The following ECT2L variants were observed in gnomAD, a reference collection of about 807,000 sequenced individuals.
ECT2L encodes the protein epithelial cell-transforming sequence 2 oncogene-like.
A neutral mutation model predicts 122.8 loss-of-function variants in ECT2L; 126 were observed. That is an observed-to-expected ratio of 1.03 (90% CI 0.89 to 1.19). ECT2L has a LOEUF of 1.19. Among genes scored for constraint, ECT2L ranks in the 50% most tolerant of loss-of-function variants. The pLI is 0.00. For missense variants in ECT2L, 1,012 were observed against 1,064.1 expected (o/e 0.95, Z 0.68); for synonymous variants, 385 against 381.8 (o/e 1.01, Z -0.10).
At chr6:138,894,095 T>C (rs1779131371) in intron 20 of ECT2L, among the ~76,000 whole-genome samples, 1 of 152,192 alleles carries the variant, frequency 6.6e-6, no homozygotes, top group South Asian at 2.1e-4. Flanking sequence ...TCTCACTCTG[T>C]TGCCAGGCTG....
At chr6:138,812,450 T>A (rs1775933178) in intron 1 of ECT2L, among the ~76,000 whole-genome samples, 2 of 152,218 alleles carry the variant, frequency 1.3e-5, no homozygotes, top group South Asian at 4.1e-4. Flanking sequence ...TTCTTTATAT[T>A]CTCTTTGACC....
chr6:138,838,205 A>T, intron 4 of ECT2L, 147 bp from the exon 5 acceptor site: 1 of 886,806 alleles, frequency 1.1e-6, no homozygotes, highest in Non-Finnish European at 1.6e-6. Flanking sequence ...CCTGGCCTGA[A>T]AATTTTTTAA....
intron 4 of ECT2L, among the ~76,000 whole-genome samples, chr6:138,837,478 A>T (rs1776880448): frequency 6.6e-6 from 1 of 152,192 alleles, no homozygotes; most frequent in Non-Finnish European, 1.5e-5. Context: ...CACATTCAGG[A>T]GAAATGACTG....
rs1172861182 is a variant in ECT2L, at chr6:138,817,032, A to G, written c.179+2429A>G. ...AATTTGCCTATTCTGGACTTTTCGT[A>G]TAAATGGAATTAGACAGTATGTGGT... On this transcript the variant is annotated intron_variant, in intron 4 of 21. Coordinates refer to ENST00000541398, the MANE Select transcript of ECT2L (RefSeq NM_001077706.3). 1.4e-4 allele frequency among the ~76,000 whole-genome samples: 21 copies of G among 152,220 alleles called. 1 individual carries two copies. Among genetic ancestry groups the G allele is most frequent in the Non-Finnish European group, 3.1e-4 (21 of 68,044 alleles).
Position 138,885,561 on chromosome 6 carries a change from T to C in ECT2L, c.2084T>C (p.Ile695Thr), listed in dbSNP as rs534510373. The change falls in exon 17 of 22, where the codon ATT becomes ACT. Residue 695 changes from isoleucine to threonine, a missense_variant. Ile to Thr is a moderately conservative substitution (Grantham distance 89). Coordinates refer to ENST00000541398, the MANE Select transcript of ECT2L (RefSeq NM_001077706.3). ...RTFLKRHDKT[I>T]VTKMLSLPEL... ...TTCCTGAAGAGGCATGATAAGACCA[T>C]TGTTACCAAAATGCTGAGGTACGTT... is the stretch of plus-strand genomic sequence containing the variant. The C allele has an allele frequency of 5.0e-6, 8 of 1,614,042 alleles. No homozygotes were observed. The highest frequency in any genetic ancestry group is 1.1e-5 in the South Asian group (1 of 91,082).
Position 138,875,460 on chromosome 6 carries a change from G to A in ECT2L, c.1579-1012G>A, listed in dbSNP as rs376263810. On this transcript the variant is annotated intron_variant, in intron 13 of 21. Transcript: ENST00000541398. ...GGTTGCCATTGGTAGTTTTGTCTTT[G>A]ATGAGGAAGGCAGCAATAACGACCA... Among the ~76,000 whole-genome samples the A allele has an allele frequency of 2.0e-5, 3 of 152,230 alleles. No homozygotes were observed. In the East Asian group the frequency reaches 5.8e-4, roughly 29 times the overall value.
rs545506463 is a variant in ECT2L at position 138,900,445 on chromosome 6, C to T, written c.2415-503C>T. On this transcript the variant is annotated intron_variant, in intron 20 of 21. Coordinates refer to ENST00000541398, the MANE Select transcript of ECT2L (RefSeq NM_001077706.3). ...TATTTTTAGTAGAGACGGGGTTTCA[C>T]TATGTTGGCCAGGCTGGTTTTGGAA... 2.6e-5 allele frequency among the ~76,000 whole-genome samples: 4 copies of T among 152,272 alleles called. No homozygotes were observed. In the East Asian group the frequency reaches 5.8e-4, roughly 22 times the overall value.
At chr6:138,799,270 T>TC (rs1317386184) in intron 1 of ECT2L, among the ~76,000 whole-genome samples, 3 of 152,188 alleles carry the variant, frequency 2.0e-5, no homozygotes, top group African/African-American at 7.2e-5. Flanking sequence ...TTTTTTTTTT[T>TC]TGAGACGGAG....
At chr6:138,819,246 A>AAAAAAAAAG (rs1776184888) in intron 4 of ECT2L, among the ~76,000 whole-genome samples, 1 of 125,104 alleles carries the variant, frequency 8.0e-6, no homozygotes. Flanking sequence ...AAAAAAAAAA[A>AAAAAAAAAG]AAAAAGGAAA....
intron 9 of ECT2L, 63 bp from the exon 10 acceptor site, chr6:138,853,963 C>T: frequency 6.5e-7 from 1 of 1,543,454 alleles, no homozygotes; most frequent in Non-Finnish European, 8.8e-7. Flanking sequence ...TCACAAGCTG[C>T]TAATAATTTC....
chr6:138,846,445 A>G (rs894868247), intron 7 of ECT2L, 94 bp from the exon 8 acceptor site: 11 of 1,260,566 alleles, frequency 8.7e-6, no homozygotes, highest in Non-Finnish European at 1.2e-5. Flanking sequence ...TGCCTTGTAG[A>G]GTAGAGCTGA....
At chr6:138,796,726 G>C (rs1775358697) in intron 1 of ECT2L, among the ~76,000 whole-genome samples, 1 of 152,176 alleles carries the variant, frequency 6.6e-6, no homozygotes, top group South Asian at 2.1e-4. Flanking sequence ...TAAAACAGTG[G>C]TACTTTAAAA....
At chr6:138,897,487 G>C (rs1055431741) in intron 20 of ECT2L, among the ~76,000 whole-genome samples, 1 of 152,058 alleles carries the variant, frequency 6.6e-6, no homozygotes, top group African/African-American at 2.4e-5. Context: ...GGAGGTCCTG[G>C]AACACATTCC....
intron 19 of ECT2L, among the ~76,000 whole-genome samples, chr6:138,887,356 A>T (rs1247565212): frequency 6.6e-6 from 1 of 151,608 alleles, no homozygotes; most frequent in African/African-American, 2.4e-5. Context: ...CCTCCCGAGT[A>T]GCTGGGACTA....
intron 4 of ECT2L, among the ~76,000 whole-genome samples, chr6:138,821,528 G>A (rs1036958781): frequency 1.3e-5 from 2 of 152,248 alleles, no homozygotes; most frequent in Non-Finnish European, 2.9e-5. Flanking sequence ...GCTGTGGCCA[G>A]GGGATTGGCC....
At chr6:138,832,226 A>G (rs1483020686) in intron 4 of ECT2L, among the ~76,000 whole-genome samples, 4 of 149,106 alleles carry the variant, frequency 2.7e-5, no homozygotes, top group African/African-American at 9.9e-5. Flanking sequence ...ATTCACTCCT[A>G]TTATTACCTT....
intron 4 of ECT2L, among the ~76,000 whole-genome samples, chr6:138,820,478 C>A (rs1583555558): frequency 6.6e-6 from 1 of 152,160 alleles, no homozygotes; most frequent in Middle Eastern, 3.4e-3. Flanking sequence ...AAATCCTTGG[C>A]CCTTGATAAC....
At chr6:138,836,901 T>A (rs1048621490) in intron 4 of ECT2L, among the ~76,000 whole-genome samples, 2 of 152,146 alleles carry the variant, frequency 1.3e-5, no homozygotes, top group Non-Finnish European at 2.9e-5. Flanking sequence ...ACTTCCTTAT[T>A]TTCTGGTGTC....
At chr6:138,848,155 C>T (rs538702953) in intron 8 of ECT2L, among the ~76,000 whole-genome samples, 115 of 152,316 alleles carry the variant, frequency 7.6e-4, no homozygotes, top group African/African-American at 2.5e-3. Flanking sequence ...CCTCGACACA[C>T]AGGGATTATG....
Sources: allele counts gnomAD v4.1 joint callset (sites outside exome capture counted in the v4.1 genomes callset), GRCh38; gene constraint gnomAD v4.1.1; transcripts MANE v1.5; gene names NCBI Gene and HGNC (gene_info 2026-07-23, HGNC 2026-07-21).